ITPR3: variants seen among roughly 807,000 people sequenced by gnomAD.
ITPR3 encodes inositol 1,4,5-trisphosphate-gated calcium channel ITPR3.
ITPR3 carries 173 observed loss-of-function variants against 293.2 expected under a neutral mutation model. The ratio of observed to expected loss-of-function variants is 0.59; its 90% CI spans 0.52 to 0.67. ITPR3 has a LOEUF of 0.67. Ranked by LOEUF, ITPR3 falls within the 30% of genes least tolerant of loss-of-function variation. ITPR3 has a pLI of 0.00. For missense variants in ITPR3, 2,796 were observed against 3,592.1 expected (o/e 0.78, Z 5.66); for synonymous variants, 1,295 against 1,444.4 (o/e 0.90, Z 2.35).
Position 33,682,091 on chromosome 6 carries a change from A to AG in ITPR3, c.4477-431dup, listed in dbSNP as rs1481997700. ...GAGACAGGGTTTCACCATGTTGGCC[A>AG]GGCTGGTCTCGAACTCCTGACCGCA... On this transcript the variant is annotated intron_variant, in intron 33 of 57. Transcript: ENST00000605930. This position sits in a 1 kb window ranked among gnomAD's most constrained non-coding sequence, Gnocchi z 5.4. Among the ~76,000 whole-genome samples the AG allele has an allele frequency of 3.9e-5, 6 of 152,164 alleles. No homozygotes were observed. The highest frequency in any genetic ancestry group is 8.8e-5 in the Non-Finnish European group (6 of 68,028).
At position 33,695,915 on chromosome 6, in the gene ITPR3, A is replaced by C; in HGVS notation, c.*135A>C. On this transcript the variant is annotated 3_prime_UTR_variant, in exon 58 of 58. Transcript: ENST00000605930. ...CACTCCCACTCTGCCAGACACCCTG[A>C]CACCCACCCAGGCTTTGAAGAGCAT... is the stretch of plus-strand genomic sequence containing the variant. The C allele has an allele frequency of 1.3e-6, 1 of 750,720 alleles. No individual in the cohort carries two copies. The highest frequency in any genetic ancestry group is 2.2e-5 in the Admixed American group (1 of 46,362). The allele number at this position is 750,720 out of a possible 1,614,324, so 46.5% of individuals were successfully genotyped here.
In ITPR3 at chr6:33,685,384, G is replaced by A; in HGVS notation, c.5333G>A (p.Ser1778Asn). 1.2e-6 allele frequency: 2 copies of A among 1,613,310 alleles called. No individual in the cohort carries two copies. The highest frequency in any genetic ancestry group is 1.7e-6 in the Non-Finnish European group (2 of 1,179,316). Reference protein sequence around the residue: ...IQKSFHNLMMSDKKSERFFKV... With the variant: ...IQKSFHNLMMNDKKSERFFKV... ...AAATCCTTCCACAACCTGATGATGAGTGACAAGAAGTCAGAGCGCTTCTTC... is the reference window on the plus strand; with the variant it reads ...AAATCCTTCCACAACCTGATGATGAATGACAAGAAGTCAGAGCGCTTCTTC... The change falls in exon 40 of 58, where the codon AGT becomes AAT. Residue 1778 changes from serine to asparagine, a missense_variant. Physicochemically the swap from Ser to Asn is conservative, Grantham distance 46. Around this residue, in one of 8 missense-constraint regions of ITPR3, gnomAD observed 704 missense variants for 797.5 expected, o/e 0.88. Transcript: ENST00000605930.
intron 33 of ITPR3, among the ~76,000 whole-genome samples, chr6:33,681,067 C>T (rs1172724842): frequency 6.6e-6 from 1 of 152,176 alleles, no homozygotes; most frequent in African/African-American, 2.4e-5. Context: ...GATCCGCCCA[C>T]CTCGGCTTCC....
chr6:33,683,500 C>A lies in ITPR3; in HGVS notation c.4788+103C>A. The A allele has an allele frequency of 9.9e-7, 1 of 1,007,692 alleles. No individual in the cohort carries two copies. The highest frequency in any genetic ancestry group is 1.4e-6 in the Non-Finnish European group (1 of 710,506). 62.4% of individuals were successfully genotyped at this position (1,007,692 alleles called of 1,614,324 possible). A position where few individuals can be genotyped will look rare whatever the true frequency, so the allele number is the denominator to read the frequency against. On this transcript the variant is annotated intron_variant, in intron 35 of 57. Transcript: ENST00000605930. This position sits in a 1 kb window ranked among gnomAD's most constrained non-coding sequence, Gnocchi z 4.5. ...GTTCTCGGGGAGTGTTTCTTCCTGT[C>A]CTGCCCACACTTCCAGGAAGGGGCT...
chr6:33,676,768 G>A lies in ITPR3; in HGVS notation c.3283G>A (p.Val1095Ile). 1 of 1,614,122 alleles carries A rather than the reference G, an allele frequency of 6.2e-7. No homozygotes were observed. ...AGCCAGGCCCATCCTCCACCTTCAG[G>A]TTCAGCTGCTGATCTCAGCGCAGGA... ...RQEAMHTFKQ[V>I]QLLISAQDVE... The change falls in exon 26 of 58, where the codon GTT becomes ATT. Residue 1095 changes from valine (V) to isoleucine (I), a missense_variant and splice_region_variant. This residue lies in a region of ITPR3 where 955 missense variants were observed against 1,180.8 expected (regional missense o/e 0.81). Coordinates refer to ENST00000605930, the MANE Select transcript of ITPR3 (RefSeq NM_002224.4).
chr6:33,668,910 G>T, intron 17 of ITPR3, 64 bp from the exon 18 acceptor site: 1 of 1,536,452 alleles, frequency 6.5e-7, no homozygotes, highest in South Asian at 1.2e-5. Flanking sequence ...GGTGTGCTCA[G>T]GGAGGGGTCC....
rs922508248 is a variant in ITPR3 at position 33,679,122 on chromosome 6, T to C, written c.3972+283T>C. On this transcript the variant is annotated intron_variant, in intron 30 of 57. Transcript: ENST00000605930. This position sits in a 1 kb window ranked among gnomAD's most constrained non-coding sequence, Gnocchi z 4.2. ...AATCAAGCATGCATTCCTTGTCACT[T>C]GTCGTCGTTTATTTAAAATCAGGAA... is the stretch of plus-strand genomic sequence containing the variant. 1.3e-5 allele frequency among the ~76,000 whole-genome samples: 2 copies of C among 152,178 alleles called. No homozygotes were observed. The highest frequency in any genetic ancestry group is 2.4e-5 in the African/African-American group (1 of 41,430).
rs1365573741 is a variant in ITPR3 at position 33,638,926 on chromosome 6, A to T, written c.90-1558A>T. On this transcript the variant is annotated intron_variant, in intron 1 of 57. Coordinates refer to ENST00000605930, the MANE Select transcript of ITPR3 (RefSeq NM_002224.4). The surrounding 1 kb of genome is among the most constrained non-coding windows in gnomAD (Gnocchi z 4.3). ...GGAGTTTTGCTAGGCCTGTGGCTTCATGGGGCCAGAGTGGAGTGAGTATTA... is the reference window on the plus strand; with the variant it reads ...GGAGTTTTGCTAGGCCTGTGGCTTCTTGGGGCCAGAGTGGAGTGAGTATTA... Among the ~76,000 whole-genome samples, 1 of 152,206 alleles carries T rather than the reference A, an allele frequency of 6.6e-6. No homozygotes were observed. The highest frequency in any genetic ancestry group is 1.5e-5 in the Non-Finnish European group (1 of 68,036).
intron 7 of ITPR3, among the ~76,000 whole-genome samples, chr6:33,661,449 G>C (rs1764461104): frequency 2.0e-5 from 3 of 152,308 alleles, no homozygotes; most frequent in Middle Eastern, 3.4e-3. Flanking sequence ...CCTTCTCTAT[G>C]CCTGAGTTTC....
In ITPR3 at chr6:33,678,643, T is replaced by C. The variant is rs1197427539; in HGVS notation, c.3776T>C (p.Leu1259Pro). 5.6e-6 allele frequency: 9 copies of C among 1,611,874 alleles called. No homozygotes were observed. The South Asian group carries it at 7.7e-5, about 14-fold the overall frequency. Reference sequence around the variant, plus strand: ...GACAGATGCCCCCCACTGCAGCTCCTGGAGGCAGAGACCATGCAGCACATC... The same window carrying C: ...GACAGATGCCCCCCACTGCAGCTCCCGGAGGCAGAGACCATGCAGCACATC... Reference protein sequence around the residue: ...HLHLFLTPGLLEAETMQHIFL... With the variant: ...HLHLFLTPGLPEAETMQHIFL... The change falls in exon 30 of 58, where the codon CTG (leucine) becomes CCG (proline). Residue 1259 changes from leucine to proline, a missense_variant. Transcript: ENST00000605930.
chr6:33,656,887 G>A (rs35088242), intron 3 of ITPR3, among the ~76,000 whole-genome samples: 18,490 of 152,314 alleles, frequency 0.12, 1,563 homozygotes, highest in Middle Eastern at 0.21. Context: ...GCTGTGGACT[G>A]GGCTGGAGAG....
In ITPR3 at chr6:33,667,174, G is replaced by A. The variant is rs746979215; in HGVS notation, c.1597G>A (p.Gly533Ser). The change falls in exon 15 of 58, where the codon GGT (glycine) becomes AGT (serine). Residue 533 changes from glycine to serine, a missense_variant. By Grantham distance (56) the Gly-to-Ser change is moderately conservative. Around this residue, in one of 8 missense-constraint regions of ITPR3, gnomAD observed 955 missense variants for 1,180.8 expected, o/e 0.81. Coordinates refer to ENST00000605930, the MANE Select transcript of ITPR3 (RefSeq NM_002224.4). The surrounding 1 kb of genome is among the most constrained non-coding windows in gnomAD (Gnocchi z 4.4). ...KAPFREKGGE[G>S]PLVRLEELSD... is the part of the protein sequence containing the mutation. ...CCCGTTCCGTGAGAAGGGGGGTGAA[G>A]GTCCCCTGGTGCGGCTGGAGGAGCT... The A allele has an allele frequency of 6.2e-7, 1 of 1,614,056 alleles. No homozygotes were observed. The highest frequency in any genetic ancestry group is 1.3e-5 in the African/African-American group (1 of 74,926).
chr6:33,680,524 A>G, intron 32 of ITPR3, 31 bp from the exon 33 acceptor site: 1 of 1,610,988 alleles, frequency 6.2e-7, no homozygotes, highest in Middle Eastern at 1.7e-4. Context: ...CCATGTGAGG[A>G]GCCCCCAGCC....
chr6:33,677,518 G>A lies in ITPR3; in HGVS notation c.3537G>A (p.Leu1179=). The A allele has an allele frequency of 1.2e-6, 2 of 1,613,984 alleles. No individual in the cohort carries two copies. Among genetic ancestry groups the A allele is most frequent in the Non-Finnish European group, 1.7e-6 (2 of 1,179,940 alleles). ...YQIVKGILER[L]NKMCGVGEQM... ...CTCCCCTGCAGATCCTGGAAAGGCT[G>A]AACAAGATGTGCGGGGTTGGGGAGC... The change falls in exon 28 of 58, where the codon CTG becomes CTA. Residue 1179 remains leucine, a synonymous_variant. Transcript: ENST00000605930.
intron 1 of ITPR3, among the ~76,000 whole-genome samples, chr6:33,626,340 T>TA (rs969663915): frequency 2.7e-5 from 4 of 150,760 alleles, no homozygotes; most frequent in Non-Finnish European, 5.9e-5. Flanking sequence ...ACCTGGGGAT[T>TA]AAAAAAAAAA....
rs139434169 is a variant in ITPR3 at position 33,667,156 on chromosome 6, C to T, written c.1579C>T (p.Arg527Cys). 1.4e-4 allele frequency: 230 copies of T among 1,614,108 alleles called. No individual in the cohort carries two copies. The highest frequency in any genetic ancestry group is 1.4e-3 in the African/African-American group (105 of 75,036). ...CTTTGGCATTCTGAAGGCCCCGTTC[C>T]GTGAGAAGGGGGGTGAAGGTCCCCT... is the stretch of plus-strand genomic sequence containing the variant. ...QVFGILKAPFREKGGEGPLVR... is the reference protein window; with the variant it reads ...QVFGILKAPFCEKGGEGPLVR... Residue 527 changes from arginine (R) to cysteine (C), a missense_variant, in exon 15 of 58, where the codon CGT becomes TGT. This residue lies in a region of ITPR3 where 955 missense variants were observed against 1,180.8 expected (regional missense o/e 0.81). Transcript: ENST00000605930. The surrounding 1 kb of genome is among the most constrained non-coding windows in gnomAD (Gnocchi z 4.4).
chr6:33,630,493 C>T (rs1464217011), intron 1 of ITPR3, among the ~76,000 whole-genome samples: 5 of 152,204 alleles, frequency 3.3e-5, no homozygotes, highest in African/African-American at 1.2e-4. Context: ...CCCATGGTTG[C>T]ACCTTTTCTC....
In ITPR3 at chr6:33,690,946, G is replaced by T. The variant is rs1232993099; in HGVS notation, c.7062G>T (p.Thr2354=). The change falls in exon 52 of 58, where the codon ACG becomes ACT. Residue 2354 remains threonine (T), a synonymous_variant. Coordinates refer to ENST00000605930, the MANE Select transcript of ITPR3 (RefSeq NM_002224.4). ...LLFDLIYREE[T]LFNVIKSVTR... ...TTGACCTCATCTACCGCGAGGAGAC[G>T]CTGTTCAACGTCATCAAGAGTGTGA... is the stretch of plus-strand genomic sequence containing the variant. 6.2e-7 allele frequency: 1 copy of T among 1,614,076 alleles called. No individual in the cohort carries two copies. Among genetic ancestry groups the T allele is most frequent in the Non-Finnish European group, 8.5e-7 (1 of 1,179,990 alleles).
In ITPR3 at chr6:33,688,233, G is replaced by T. The variant is rs376870466; in HGVS notation, c.6376-6G>T. 1.7e-5 allele frequency: 27 copies of T among 1,614,052 alleles called. No homozygotes were observed. Among genetic ancestry groups the T allele is most frequent in the Non-Finnish European group, 2.2e-5 (26 of 1,180,024 alleles). On this transcript the variant is annotated splice_polypyrimidine_tract_variant and splice_region_variant and intron_variant, in intron 47 of 57. Coordinates refer to ENST00000605930, the MANE Select transcript of ITPR3 (RefSeq NM_002224.4). ...CCGGGCGTGACCATGTGCTGTGTGT[G>T]CTCAGATTGTGCGGCAGGACCGCAG...
Sources: gnomAD v4.1 joint callset for allele counts (sites outside exome capture counted in the v4.1 genomes callset) on GRCh38, gnomAD v4.1.1 for gene constraint, gnomAD v4.1.1 regional missense constraint, Gnocchi (gnomAD v3.1) non-coding constraint, MANE v1.5 for transcripts, NCBI Gene and HGNC (gene_info 2026-07-23, HGNC 2026-07-21) for gene names.